LAMA5: variants seen among roughly 807,000 people sequenced by gnomAD.
LAMA5 encodes laminin subunit alpha 5, also known as laminin subunit alpha-5.
Under a neutral mutation model 433.4 loss-of-function variants are expected in LAMA5, and 260 were observed. That is an observed-to-expected ratio of 0.60 (90% CI 0.54 to 0.66). The LOEUF (loss-of-function observed/expected upper bound fraction) is 0.66. Ranked by LOEUF, LAMA5 falls within the 30% of genes least tolerant of loss-of-function variation. The pLI, the probability that LAMA5 is intolerant of heterozygous loss-of-function variation, is 0.00. For synonymous variants in LAMA5, 2,620 were observed against 2,226.6 expected (o/e 1.18, Z -4.97); for missense variants, 5,378 against 5,258.5 (o/e 1.02, Z -0.70).
Position 62,332,353 on chromosome 20 carries a change from G to T in LAMA5, c.3552+19C>A. The T allele has an allele frequency of 6.5e-7, 1 of 1,542,182 alleles. No homozygotes were observed. Among genetic ancestry groups the T allele is most frequent in the Non-Finnish European group, 9.0e-7 (1 of 1,115,690 alleles). The stretch of plus-strand genomic sequence containing the variant: ...GAAAGAAGCTGACCCCTTGGGGTGG[G>T]GACCTGAGGGGTCCTTACCAGGAAG... On this transcript the variant is annotated intron_variant, in intron 28 of 79. Transcript: ENST00000252999.
intron 11 of LAMA5, among the ~76,000 whole-genome samples, chr20:62,344,227 A>G (rs574658394): frequency 6.6e-6 from 1 of 150,878 alleles, no homozygotes; most frequent in African/African-American, 2.4e-5. Context: ...CCATGCTTGT[A>G]TGTCCCGTCA....
At chr20:62,316,609 G>A (rs1986958404) in intron 57 of LAMA5, 62 bp downstream of exon 57, 8 of 1,301,700 alleles carry the variant, frequency 6.1e-6, no homozygotes, top group African/African-American at 1.5e-5. Context: ...TGGGGGCTGA[G>A]GGTCCCTGGG....
rs778467081 is a variant in LAMA5 at position 62,312,270 on chromosome 20, G to A, written c.9407C>T (p.Ala3136Val). 4.3e-5 allele frequency: 70 copies of A among 1,611,104 alleles called. No individual in the cohort carries two copies. Among genetic ancestry groups the A allele is most frequent in the East Asian group, 4.2e-4 (19 of 44,820 alleles). Reference protein sequence around the residue: ...TFHGHGFLRLALSNVAPLTGN... With the variant: ...TFHGHGFLRLVLSNVAPLTGN... ...AGTGAGCGGTGCCACGTTCGAGAGCGCCAGGCGAAGGAAGCCGTGGCCATG... is the reference window on the plus strand; with the variant it reads ...AGTGAGCGGTGCCACGTTCGAGAGCACCAGGCGAAGGAAGCCGTGGCCATG... Residue 3136 changes from alanine to valine, a missense_variant, in exon 69 of 80, where the codon GCG becomes GTG. Physicochemically the swap from Ala to Val is moderately conservative, Grantham distance 64 (BLOSUM62 0). Transcript: ENST00000252999.
intron 41 of LAMA5, chr20:62,325,014 G>A: frequency 2.6e-6 from 1 of 379,576 alleles, no homozygotes; most frequent in East Asian, 4.6e-5. Flanking sequence ...GATGGTCGGT[G>A]GGGGATGTCC....
chr20:62,362,879 GT>G (rs1194436177), intron 1 of LAMA5, among the ~76,000 whole-genome samples: 3 of 149,364 alleles, frequency 2.0e-5, no homozygotes, highest in South Asian at 2.2e-4. Flanking sequence ...AAGGGGGGGG[GT>G]GTGCTCTAGG....
chr20:62,322,679 C>T lies in LAMA5; in HGVS notation c.6144G>A (p.Gly2048=). 1.3e-6 allele frequency: 2 copies of T among 1,544,354 alleles called. No individual in the cohort carries two copies. The highest frequency in any genetic ancestry group is 1.7e-6 in the Non-Finnish European group (2 of 1,146,746). ...GHCLCKAGVT[G]RRCDRCQEGH... ...CTACCTGGCAGCGGTCACAGCGCCGCCCAGTCACGCCCGCCTTGCACAGGC... is the reference window on the plus strand; with the variant it reads ...CTACCTGGCAGCGGTCACAGCGCCGTCCAGTCACGCCCGCCTTGCACAGGC... The change falls in exon 46 of 80, where the codon GGG becomes GGA. Residue 2048 remains glycine, a synonymous_variant. Coordinates refer to ENST00000252999, the MANE Select transcript of LAMA5 (RefSeq NM_005560.6).
Position 62,324,969 on chromosome 20 carries a change from G to C in LAMA5, c.5529+347C>G. On this transcript the variant is annotated intron_variant, in intron 41 of 79. Coordinates refer to ENST00000252999, the MANE Select transcript of LAMA5 (RefSeq NM_005560.6). The surrounding 1 kb of genome is among the most constrained non-coding windows in gnomAD (Gnocchi z 4.4). ...TTAGCAGCTGGACAGACACACAGTGGGCGAGGGATGGGCAGAATGACAGGC... is the reference window on the plus strand; with the variant it reads ...TTAGCAGCTGGACAGACACACAGTGCGCGAGGGATGGGCAGAATGACAGGC... 2.5e-6 allele frequency: 1 copy of C among 405,288 alleles called. No individual in the cohort carries two copies. Among genetic ancestry groups the C allele is most frequent in the South Asian group, 3.1e-5 (1 of 32,018 alleles). 25.1% of individuals were successfully genotyped at this position (405,288 alleles called of 1,614,324 possible). A position where few individuals can be genotyped will look rare whatever the true frequency, so the allele number is the denominator to read the frequency against.
chr20:62,348,939 C>G (rs1291638285), intron 6 of LAMA5, among the ~76,000 whole-genome samples: 1 of 152,118 alleles, frequency 6.6e-6, no homozygotes, highest in African/African-American at 2.4e-5. Context: ...AGGGAGCCAA[C>G]AGTCAGAAAG....
At chr20:62,360,054 C>T (rs1429287982) in intron 2 of LAMA5, among the ~76,000 whole-genome samples, 1 of 150,930 alleles carries the variant, frequency 6.6e-6, no homozygotes, top group Admixed American at 6.6e-5. Flanking sequence ...TGATGGAGGC[C>T]CCAGCCCCGC....
rs139478275 is a variant in LAMA5 at position 62,346,369 on chromosome 20, C to T, written c.1282+137G>A. On this transcript the variant is annotated intron_variant, in intron 9 of 79. Transcript: ENST00000252999. The stretch of plus-strand genomic sequence containing the variant: ...GGACATGAGGGCTGGGGACCCGCCC[C>T]GTGGCCTGGGAGGCTCCTTCCTGGG... 8.4e-4 allele frequency: 1,132 copies of T among 1,354,968 alleles called. 6 individuals are homozygous for T. The Middle Eastern group carries it at 0.015, about 18-fold the overall frequency. 83.9% of individuals were successfully genotyped at this position (1,354,968 alleles called of 1,614,324 possible). A position where few individuals can be genotyped will look rare whatever the true frequency, so the allele number is the denominator to read the frequency against.
intron 36 of LAMA5, 49 bp downstream of exon 36, chr20:62,327,817 C>A: frequency 1.3e-6 from 2 of 1,578,340 alleles, no homozygotes; most frequent in African/African-American, 2.7e-5. Flanking sequence ...ACACTTTCAG[C>A]TGATGAGGCC....
Position 62,351,904 on chromosome 20 carries a change from C to T in LAMA5, c.858+5G>A. On this transcript the variant is annotated splice_donor_5th_base_variant and intron_variant, in intron 5 of 79. Coordinates refer to ENST00000252999, the MANE Select transcript of LAMA5 (RefSeq NM_005560.6). ...CCTCCCCCGCCTGCGCCATGGGCAG[C>T]TCACCCGGCGGGTGACCGTGGGGTC... is the stretch of plus-strand genomic sequence containing the variant. 6.3e-7 allele frequency: 1 copy of T among 1,595,764 alleles called. No individual in the cohort carries two copies. The highest frequency in any genetic ancestry group is 8.5e-7 in the Non-Finnish European group (1 of 1,172,442).
At chr20:62,312,860 G>A (rs1986467734) in intron 66 of LAMA5, 28 bp downstream of exon 66, 1 of 1,600,304 alleles carries the variant, frequency 6.2e-7, no homozygotes, top group Non-Finnish European at 8.5e-7. Flanking sequence ...TCCTCTCCCT[G>A]CCACCCTGGT....
intron 6 of LAMA5, among the ~76,000 whole-genome samples, chr20:62,350,571 G>A (rs1984138815): frequency 6.6e-6 from 1 of 152,166 alleles, no homozygotes; most frequent in Admixed American, 6.5e-5. Context: ...CCCCACAGAA[G>A]GCAAGGGCGG....
chr20:62,322,620 G>GGGGGGCCCC, intron 46 of LAMA5, 38 bp downstream of exon 46: 4 of 1,398,996 alleles, frequency 2.9e-6, no homozygotes, highest in Non-Finnish European at 2.9e-6. Flanking sequence ...TAGTCCCTAG[G>GGGGGGCCCC]CCCCACCCAC....
chr20:62,351,742 C>T lies in LAMA5; in HGVS notation c.918G>A (p.Ala306=), dbSNP rs778754196. 5.1e-5 allele frequency: 82 copies of T among 1,611,858 alleles called. 1 individual carries two copies. The highest frequency in any genetic ancestry group is 4.0e-4 in the Admixed American group (24 of 59,952). ...TGGGGTCTTTGGCATCGCAGGCATC[C>T]GCGTGGCCGTGGCAGACACAGCGGC... ...IGGRCVCHGH[A]DACDAKDPTD... The change falls in exon 6 of 80, where the codon GCG becomes GCA. Residue 306 remains alanine (A), a synonymous_variant. Transcript: ENST00000252999.
Position 62,311,322 on chromosome 20 carries a change from G to C in LAMA5, c.9943-15C>G. ...CGGCGGGAGGCCTGGGGGCGTGGAT[G>C]GTGAATGCAGGGGCCGCCCACACAG... On this transcript the variant is annotated splice_polypyrimidine_tract_variant and intron_variant, in intron 72 of 79. Transcript: ENST00000252999. 1.3e-6 allele frequency: 2 copies of C among 1,546,896 alleles called. No homozygotes were observed. Among genetic ancestry groups the C allele is most frequent in the African/African-American group, 1.4e-5 (1 of 73,398 alleles).
intron 63 of LAMA5, 83 bp downstream of exon 63, chr20:62,313,566 A>C: frequency 6.3e-7 from 1 of 1,576,976 alleles, no homozygotes; most frequent in African/African-American, 1.4e-5. Flanking sequence ...GCAAGATACC[A>C]AAAGAACCCG....
chr20:62,335,562 C>G (rs941731247), intron 18 of LAMA5, among the ~76,000 whole-genome samples: 1 of 150,602 alleles, frequency 6.6e-6, no homozygotes, highest in Non-Finnish European at 1.5e-5. Context: ...CAGCCCCCCC[C>G]CAGGAACCCC....
Sources: gnomAD v4.1 joint callset for allele counts (sites outside exome capture counted in the v4.1 genomes callset) on GRCh38, gnomAD v4.1.1 for gene constraint, Gnocchi (gnomAD v3.1) non-coding constraint, MANE v1.5 for transcripts, NCBI Gene and HGNC (gene_info 2026-07-23, HGNC 2026-07-21) for gene names.